The following RNF185 variants were observed in gnomAD, a reference collection of about 807,000 sequenced individuals.
The protein encoded by RNF185 is E3 ubiquitin-protein ligase RNF185.
In RNF185, 13 loss-of-function variants were observed where a neutral mutation model predicts 24.9. That is an observed-to-expected ratio of 0.52 (90% confidence interval 0.34 to 0.83). The LOEUF (loss-of-function observed/expected upper bound fraction) is 0.83. Among genes scored for constraint, RNF185 ranks in the 40% least tolerant of loss-of-function variants. The pLI is 0.01. For synonymous variants in RNF185, 79 were observed against 90.3 expected (o/e 0.88, Z 0.71); for missense variants, 184 against 244.7 (o/e 0.75, Z 1.65).
At chr22:31,170,971 T>G (rs1226548643) in intron 1 of RNF185, among the ~76,000 whole-genome samples, 1 of 151,944 alleles carries the variant, frequency 6.6e-6, no homozygotes, top group Non-Finnish European at 1.5e-5. Context: ...TTTTTAAAGA[T>G]GGACAGGTCT....
intron 1 of RNF185, among the ~76,000 whole-genome samples, chr22:31,170,163 A>C (rs1246001402): frequency 1.3e-5 from 2 of 152,010 alleles, no homozygotes; most frequent in African/African-American, 4.8e-5. Flanking sequence ...CTTGTGATGT[A>C]ACAGTGATGT....
intron 1 of RNF185, among the ~76,000 whole-genome samples, chr22:31,175,160 T>C (rs1458186017): frequency 6.6e-6 from 1 of 151,608 alleles, no homozygotes; most frequent in Non-Finnish European, 1.5e-5. Flanking sequence ...ATATGTGTTA[T>C]CTCTGGGCTT....
intron 6 of RNF185, among the ~76,000 whole-genome samples, chr22:31,202,532 C>T (rs1259158176): frequency 1.3e-5 from 2 of 151,730 alleles, no homozygotes; most frequent in African/African-American, 4.8e-5. Flanking sequence ...TGCCTGCCTG[C>T]CTGCCTGTCT....
At chr22:31,173,718 A>C (rs2047954649) in intron 1 of RNF185, among the ~76,000 whole-genome samples, 1 of 152,202 alleles carries the variant, frequency 6.6e-6, no homozygotes, top group African/African-American at 2.4e-5. Flanking sequence ...TAAATGAGAT[A>C]ATTCATGTAG....
At chr22:31,161,479 A>G (rs1466535216) in intron 1 of RNF185, among the ~76,000 whole-genome samples, 4 of 152,212 alleles carry the variant, frequency 2.6e-5, no homozygotes, top group Non-Finnish European at 5.9e-5. Context: ...CCTGTGCACC[A>G]TCCTTCTTTT....
chr22:31,195,446 G>C (rs1056873107), intron 3 of RNF185, 23 bp from the exon 4 acceptor site: 1 of 1,540,834 alleles, frequency 6.5e-7, no homozygotes, highest in African/African-American at 1.4e-5. Context: ...CCATCCACAT[G>C]CATTTTTCTC....
Position 31,205,100 on chromosome 22 carries a change from T to TC in RNF185, c.*519dup, listed in dbSNP as rs1473837367. 1 of 175,090 alleles carries TC rather than the reference T, an allele frequency of 5.7e-6. No homozygotes were observed. The highest frequency in any genetic ancestry group is 1.4e-5 in the Non-Finnish European group (1 of 70,570). The allele number at this position is 175,090 out of a possible 1,614,324, so 10.8% of individuals were successfully genotyped here. ...CTGTTCTCTTTCCTTCCCCTCCCAC[T>TC]CCCCCTCTTCTTCCTCTGTAGAGAT... On this transcript the variant is annotated 3_prime_UTR_variant, in exon 7 of 7. Coordinates refer to ENST00000326132, the MANE Select transcript of RNF185 (RefSeq NM_152267.4).
In RNF185 at chr22:31,192,533, A is replaced by G. The variant is rs566166214; in HGVS notation, c.177-151A>G. ...TACCAGTAATCCCTACAGAACCTCA[A>G]TGGGCATGCAGTGCTCCATAGTTTA... On this transcript the variant is annotated intron_variant, in intron 2 of 6. Coordinates refer to ENST00000326132, the MANE Select transcript of RNF185 (RefSeq NM_152267.4). 2.5e-4 allele frequency: 166 copies of G among 672,716 alleles called. 1 individual carries two copies. The highest frequency in any genetic ancestry group is 2.3e-3 in the African/African-American group (126 of 55,810). The allele number at this position is 672,716 out of a possible 1,614,324, so 41.7% of individuals were successfully genotyped here. A position where few individuals can be genotyped will look rare whatever the true frequency, so the allele number is the denominator to read the frequency against.
At chr22:31,195,638 C>A in intron 4 of RNF185, 57 bp downstream of exon 4, 1 of 1,104,070 alleles carries the variant, frequency 9.1e-7, no homozygotes. Flanking sequence ...GAATTCACTC[C>A]CATTCAGCAT....
At chr22:31,189,015 G>T (rs1489411205) in intron 2 of RNF185, among the ~76,000 whole-genome samples, 2 of 148,572 alleles carry the variant, frequency 1.3e-5, no homozygotes, top group Non-Finnish European at 3.0e-5. Context: ...AGTCCCAGCT[G>T]CTGGGGAGGC....
chr22:31,163,486 C>G (rs1310290424), intron 1 of RNF185, among the ~76,000 whole-genome samples: 2 of 151,952 alleles, frequency 1.3e-5, no homozygotes, highest in Non-Finnish European at 2.9e-5. Flanking sequence ...CACCACCACA[C>G]CCAGCTAACT....
At chr22:31,173,912 T>C (rs2047956527) in intron 1 of RNF185, among the ~76,000 whole-genome samples, 1 of 152,226 alleles carries the variant, frequency 6.6e-6, no homozygotes, top group Admixed American at 6.5e-5. Flanking sequence ...CAAGGAATGA[T>C]GCTCATTGAG....
chr22:31,169,855 G>A (rs143212105), intron 1 of RNF185, among the ~76,000 whole-genome samples: 29 of 152,002 alleles, frequency 1.9e-4, no homozygotes, highest in Non-Finnish European at 3.7e-4. Context: ...CCTTCAAACC[G>A]TACTTCTCTA....
At chr22:31,179,832 A>G (rs2048016664) in intron 1 of RNF185, among the ~76,000 whole-genome samples, 1 of 152,190 alleles carries the variant, frequency 6.6e-6, no homozygotes, top group Non-Finnish European at 1.5e-5. Context: ...GTGGGGTGGC[A>G]GTGGACCAGG....
At chr22:31,164,739 A>G (rs1923806740) in intron 1 of RNF185, among the ~76,000 whole-genome samples, 1 of 151,700 alleles carries the variant, frequency 6.6e-6, no homozygotes, top group African/African-American at 2.4e-5. Flanking sequence ...GGCGTGTGCC[A>G]CCATGCCCAG....
intron 1 of RNF185, among the ~76,000 whole-genome samples, chr22:31,164,583 CTTTTTTTTTTTTTT>C (rs200649012): frequency 0.07 from 6,419 of 91,972 alleles, 608 homozygotes; most frequent in East Asian, 0.45. Context: ...TCCTCATTGT[CTTTTTTTTTTTTTT>C]TTTTTTTTTG....
intron 1 of RNF185, among the ~76,000 whole-genome samples, chr22:31,180,333 G>A (rs1213130021): frequency 1.3e-5 from 2 of 151,910 alleles, no homozygotes; most frequent in Non-Finnish European, 1.5e-5. Context: ...GCGTGGTGGT[G>A]GGCACCTATA....
intron 1 of RNF185, among the ~76,000 whole-genome samples, chr22:31,179,676 A>G (rs1156441637): frequency 6.6e-6 from 1 of 152,188 alleles, no homozygotes; most frequent in East Asian, 1.9e-4. Flanking sequence ...CTGGCCTGGC[A>G]CAAGGCTGCC....
At chr22:31,180,338 C>T (rs2147937265) in intron 1 of RNF185, among the ~76,000 whole-genome samples, 1 of 152,008 alleles carries the variant, frequency 6.6e-6, no homozygotes, top group East Asian at 1.9e-4. Flanking sequence ...GTGGTGGGCA[C>T]CTATAAGCCC....
Sources: gnomAD v4.1 joint callset for allele counts (sites outside exome capture counted in the v4.1 genomes callset) on GRCh38, gnomAD v4.1.1 for gene constraint, MANE v1.5 for transcripts, NCBI Gene and HGNC (gene_info 2026-07-23, HGNC 2026-07-21) for gene names.